The following C10orf88 variants were observed in gnomAD, a reference collection of about 807,000 sequenced individuals.
C10orf88 encodes the protein chromosome 10 open reading frame 88.
Under a neutral mutation model 34.2 loss-of-function variants are expected in C10orf88, and 29 were observed. The observed-to-expected ratio is 0.85, with a 90% CI of 0.63 to 1.16. C10orf88 has a LOEUF of 1.16. Among genes scored for constraint, C10orf88 ranks in the 50% most tolerant of loss-of-function variants. C10orf88 has a pLI of 0.00. For missense variants in C10orf88, 507 were observed against 533.2 expected (o/e 0.95, Z 0.48); for synonymous variants, 194 against 197.4 (o/e 0.98, Z 0.15).
In C10orf88 at chr10:122,932,361, T is replaced by C; in HGVS notation, c.*66A>G. On this transcript the variant is annotated 3_prime_UTR_variant, in exon 6 of 6. Transcript: ENST00000481909. Reference sequence around the variant, plus strand: ...TTAAATACTTGCTTTTTATAAATATTTTTGGGTTTTGGCTTTGTAATAAAT... The same window carrying C: ...TTAAATACTTGCTTTTTATAAATATCTTTGGGTTTTGGCTTTGTAATAAAT... 7.8e-7 allele frequency: 1 copy of C among 1,284,706 alleles called. No individual in the cohort carries two copies. Among genetic ancestry groups the C allele is most frequent in the Middle Eastern group, 2.4e-4 (1 of 4,186 alleles). The allele number at this position is 1,284,706 out of a possible 1,614,324, so 79.6% of individuals were successfully genotyped here.
At chr10:122,953,853 G>A (rs1361924712) in intron 1 of C10orf88, among the ~76,000 whole-genome samples, 162 bp downstream of exon 1, 1 of 4,298 alleles carries the variant, frequency 2.3e-4, no homozygotes, top group African/African-American at 1.1e-3. Flanking sequence ...ACCCCCCTCC[G>A]CCCACCCCGG....
In C10orf88 at chr10:122,954,141, C is replaced by T. The variant is rs1369451829; in HGVS notation, c.38G>A (p.Arg13His). 4 of 1,583,940 alleles carry T rather than the reference C, an allele frequency of 2.5e-6. No individual in the cohort carries two copies. Among genetic ancestry groups the T allele is most frequent in the East Asian group, 2.4e-5 (1 of 41,748 alleles). Reference protein sequence around the residue: ...TRTEDGGLTRRPTLASSWDVA... With the variant: ...TRTEDGGLTRHPTLASSWDVA... ...ATCCCAAGAAGAGGCCAGCGTGGGG[C>T]GGCGGGTGAGGCCCCCGTCCTCGGT... The change falls in exon 1 of 6, where the codon CGC (arginine) becomes CAC (histidine). Residue 13 changes from arginine (R) to histidine (H), a missense_variant. Arg to His is a conservative substitution (Grantham distance 29). Coordinates refer to ENST00000481909, the MANE Select transcript of C10orf88 (RefSeq NM_024942.4).
intron 4 of C10orf88, among the ~76,000 whole-genome samples, chr10:122,940,464 T>A (rs7894998): frequency 0.013 from 1,990 of 152,158 alleles, 53 homozygotes; most frequent in African/African-American, 0.045. Context: ...ACAAGATGAA[T>A]CTGTTTTAGA....
At position 122,937,844 on chromosome 10, in the gene C10orf88, C is replaced by G. The variant is rs750254159; in HGVS notation, c.964G>C (p.Asp322His). The change falls in exon 5 of 6, where the codon GAC becomes CAC. Residue 322 changes from aspartate to histidine, a missense_variant. Physicochemically the swap from Asp to His is moderately conservative, Grantham distance 81 (BLOSUM62 -1). Transcript: ENST00000481909. ...TCGGAGTTGGGTATATTTGAGTTGT[C>G]ACTTACTTTCTTTGGTAAGAAAGAG... is the stretch of plus-strand genomic sequence containing the variant. ...MASFLPKKVSDNSNIPNSELL... is the reference protein window; with the variant it reads ...MASFLPKKVSHNSNIPNSELL... 6.2e-7 allele frequency: 1 copy of G among 1,613,246 alleles called. No homozygotes were observed. Among genetic ancestry groups the G allele is most frequent in the Non-Finnish European group, 8.5e-7 (1 of 1,179,430 alleles).
Position 122,948,690 on chromosome 10 carries a change from C to T in C10orf88, c.607G>A (p.Gly203Arg), listed in dbSNP as rs1270841025. 3.7e-6 allele frequency: 6 copies of T among 1,613,824 alleles called. No homozygotes were observed. The highest frequency in any genetic ancestry group is 5.1e-6 in the Non-Finnish European group (6 of 1,179,882). Residue 203 changes from glycine (G) to arginine (R), a missense_variant, in exon 4 of 6, where the codon GGA (glycine) becomes AGA (arginine). Coordinates refer to ENST00000481909, the MANE Select transcript of C10orf88 (RefSeq NM_024942.4). ...MESMGSKLSPGAQQLMDMVRC... is the reference protein window; with the variant it reads ...MESMGSKLSPRAQQLMDMVRC... ...ACCATATCCATCAACTGCTGAGCTCCAGGAGATAACTTTGACCCCATGGAC... is the reference window on the plus strand; with the variant it reads ...ACCATATCCATCAACTGCTGAGCTCTAGGAGATAACTTTGACCCCATGGAC...
intron 1 of C10orf88, 78 bp downstream of exon 1, chr10:122,953,937 C>T: frequency 7.2e-7 from 1 of 1,392,820 alleles, no homozygotes; most frequent in Non-Finnish European, 9.3e-7. Context: ...CTCAGACCCT[C>T]TCGCCTCCCC....
chr10:122,952,680 G>T, intron 2 of C10orf88, 149 bp downstream of exon 2: 2 of 903,260 alleles, frequency 2.2e-6, no homozygotes, highest in Non-Finnish European at 3.4e-6. Context: ...GATCTCTAAA[G>T]TTGTAAACTT....
chr10:122,941,140 C>T (rs1402273850), intron 4 of C10orf88, among the ~76,000 whole-genome samples: 1 of 151,840 alleles, frequency 6.6e-6, no homozygotes, highest in Non-Finnish European at 1.5e-5. Context: ...AAGAGTATAA[C>T]TCCTAAATAA....
At chr10:122,941,025 A>C (rs954215084) in intron 4 of C10orf88, among the ~76,000 whole-genome samples, 1 of 152,116 alleles carries the variant, frequency 6.6e-6, no homozygotes, top group African/African-American at 2.4e-5. Context: ...TTAGGAAAGT[A>C]TGAATTTCCT....
chr10:122,937,627 T>C (rs1848545006), intron 5 of C10orf88, 78 bp downstream of exon 5: 3 of 1,304,646 alleles, frequency 2.3e-6, no homozygotes, highest in Non-Finnish European at 1.1e-6. Flanking sequence ...GCAGTACTCA[T>C]TGAGACAAAT....
chr10:122,948,987 C>G, intron 3 of C10orf88, 132 bp from the exon 4 acceptor site: 1 of 803,798 alleles, frequency 1.2e-6, no homozygotes, highest in Non-Finnish European at 1.9e-6. Flanking sequence ...ATATTTTAAA[C>G]TTTTCTCTAG....
intron 5 of C10orf88, among the ~76,000 whole-genome samples, chr10:122,934,547 T>C (rs1848516308): frequency 1.3e-5 from 2 of 152,186 alleles, no homozygotes; most frequent in African/African-American, 2.4e-5. Flanking sequence ...GGAGGTACCA[T>C]AGTTTAACCA....
At chr10:122,945,632 CA>C (rs1430130918) in intron 4 of C10orf88, among the ~76,000 whole-genome samples, 1 of 150,012 alleles carries the variant, frequency 6.7e-6, no homozygotes, top group Non-Finnish European at 1.5e-5. Context: ...TTGTTTTAAG[CA>C]AAAAAGTTTA....
rs1340587316 is a variant in C10orf88 at position 122,931,694 on chromosome 10, G to GA, written c.*732dup. The stretch of plus-strand genomic sequence containing the variant: ...AAACATGCCAGAAAAGGATTCTGGG[G>GA]AAAAAACCTGTATCAGCTCAAAAGG... On this transcript the variant is annotated 3_prime_UTR_variant, in exon 6 of 6. Transcript: ENST00000481909. 2 of 152,094 alleles carry GA rather than the reference G, an allele frequency of 1.3e-5. No individual in the cohort carries two copies. Among genetic ancestry groups the GA allele is most frequent in the East Asian group, 3.9e-4 (2 of 5,190 alleles). 9.4% of individuals were successfully genotyped at this position (152,094 alleles called of 1,614,324 possible).
rs755423297 is a variant in C10orf88 at position 122,951,946 on chromosome 10, C to T, written c.441+8G>A. ...AGTTGTCAAATTAGTTTACAACTGACAACTTACCTTTATTTTACAAGCATG... is the reference window on the plus strand; with the variant it reads ...AGTTGTCAAATTAGTTTACAACTGATAACTTACCTTTATTTTACAAGCATG... On this transcript the variant is annotated splice_region_variant and intron_variant, in intron 3 of 5. Transcript: ENST00000481909. The T allele has an allele frequency of 6.6e-7, 1 of 1,522,826 alleles. No individual in the cohort carries two copies. The highest frequency in any genetic ancestry group is 1.2e-5 in the South Asian group (1 of 84,724). The allele number at this position is 1,522,826 out of a possible 1,614,324, so 94.3% of individuals were successfully genotyped here.
intron 2 of C10orf88, 64 bp from the exon 3 acceptor site, chr10:122,952,090 T>C: frequency 1.2e-6 from 1 of 806,380 alleles, no homozygotes; most frequent in Non-Finnish European, 2.0e-6. Flanking sequence ...TAGTTACACT[T>C]AAAAATAAAT....
chr10:122,945,765 A>C (rs1406953853), intron 4 of C10orf88, among the ~76,000 whole-genome samples: 2 of 152,214 alleles, frequency 1.3e-5, no homozygotes, highest in East Asian at 3.8e-4. Flanking sequence ...AAAAGAGTCA[A>C]AAAGTTTTTT....
At chr10:122,945,051 T>C (rs1848626469) in intron 4 of C10orf88, among the ~76,000 whole-genome samples, 1 of 150,512 alleles carries the variant, frequency 6.6e-6, no homozygotes, top group African/African-American at 2.4e-5. Context: ...TATATATATA[T>C]GTATATAGAT....
intron 5 of C10orf88, 60 bp downstream of exon 5, chr10:122,937,645 C>T: frequency 7.1e-7 from 1 of 1,409,436 alleles, no homozygotes; most frequent in East Asian, 2.3e-5. Flanking sequence ...AATCTGTTTC[C>T]TTTCATCTGA....
Sources: gnomAD v4.1 joint callset for allele counts (sites outside exome capture counted in the v4.1 genomes callset) on GRCh38, gnomAD v4.1.1 for gene constraint, MANE v1.5 for transcripts, NCBI Gene and HGNC (gene_info 2026-07-23, HGNC 2026-07-21) for gene names.